The following PTPRO variants were observed in gnomAD, a reference collection of about 807,000 sequenced individuals.
The protein encoded by PTPRO is protein tyrosine phosphatase receptor type O.
PTPRO carries 62 observed loss-of-function variants against 145.2 expected under a neutral mutation model. The ratio of observed to expected loss-of-function variants is 0.43; its 90% CI spans 0.35 to 0.53. The LOEUF (loss-of-function observed/expected upper bound fraction) is 0.53. PTPRO is among the 20% of genes least tolerant of loss of function. The pLI, the probability that PTPRO is intolerant of heterozygous loss-of-function variation, is 0.01. For synonymous variants in PTPRO, 565 were observed against 514.7 expected, an observed-to-expected ratio of 1.10 and a Z score of -1.32; for missense variants, 1,345 against 1,482.7, an observed-to-expected ratio of 0.91 and a Z score of 1.53.
chr12:15,594,736 A>G (rs1245895044), intron 25 of PTPRO, among the ~76,000 whole-genome samples: 1 of 152,100 alleles, frequency 6.6e-6, no homozygotes, highest in Admixed American at 6.6e-5. Context: ...TAAAAAAGCC[A>G]TGATGTTCTA....
rs754731694 is a variant in PTPRO at position 15,484,047 on chromosome 12, T to G, written c.149T>G (p.Ile50Ser). 1.9e-6 allele frequency: 3 copies of G among 1,613,610 alleles called. No individual in the cohort carries two copies. In the African/African-American group the frequency reaches 4.0e-5, roughly 22 times the overall value. Residue 50 changes from isoleucine (I) to serine (S), a missense_variant, in exon 2 of 27, where the codon ATC becomes AGC. By Grantham distance (142) the Ile-to-Ser change is moderately radical (BLOSUM62 -2). Coordinates refer to ENST00000281171, the MANE Select transcript of PTPRO (RefSeq NM_030667.3). ...GTCTCATTAGAAGCTTCAGACGTCATCAGTCCAGCATCTGTGTATGTTGTG... is the reference window on the plus strand; with the variant it reads ...GTCTCATTAGAAGCTTCAGACGTCAGCAGTCCAGCATCTGTGTATGTTGTG... ...IVVSLEASDV[I>S]SPASVYVVKI...
intron 1 of PTPRO, among the ~76,000 whole-genome samples, chr12:15,423,288 A>C (rs1195439183): frequency 1.3e-5 from 2 of 152,142 alleles, no homozygotes; most frequent in Non-Finnish European, 2.9e-5. Flanking sequence ...GGTTTCTTGG[A>C]GTTTTTACAA....
rs546676759 is a variant in PTPRO at position 15,392,453 on chromosome 12, G to C, written c.75+69652G>C. On this transcript the variant is annotated intron_variant, in intron 1 of 26. Coordinates refer to ENST00000281171, the MANE Select transcript of PTPRO (RefSeq NM_030667.3). ...AGGGGAGCCCAGGCCAGGCATGGTG[G>C]CTCATCCCTATAATCCCAGCACTTT... Among the ~76,000 whole-genome samples the C allele has an allele frequency of 4.0e-5, 6 of 151,092 alleles. 1 individual carries two copies. The South Asian group carries it at 1.3e-3, about 32-fold the overall frequency.
chr12:15,589,358 A>T (rs1944495765), intron 24 of PTPRO, 97 bp from the exon 25 acceptor site: 5 of 1,546,908 alleles, frequency 3.2e-6, no homozygotes, highest in Non-Finnish European at 3.5e-6. Context: ...CCTGGGCAAC[A>T]GAGCAAGACT....
At position 15,322,786 on chromosome 12, in the gene PTPRO, C is replaced by G. The variant is rs756776270; in HGVS notation, c.60C>G (p.Leu20=). Residue 20 remains leucine, a synonymous_variant, in exon 1 of 27, where the codon CTC becomes CTG. Transcript: ENST00000281171. This position sits in a 1 kb window ranked among gnomAD's most constrained non-coding sequence, Gnocchi z 6.3. ...GARRLLPLLW[L]FVLFKNATAF... ...GCCGCCTCCTGCCTCTGCTCTGGCT[C>G]TTTGTGCTGTTCAAGGTAGGGGAGC... 4.4e-5 allele frequency: 71 copies of G among 1,612,708 alleles called. No individual in the cohort carries two copies. The highest frequency in any genetic ancestry group is 5.4e-5 in the Non-Finnish European group (64 of 1,179,572).
chr12:15,495,703 A>G (rs554585277), intron 2 of PTPRO, among the ~76,000 whole-genome samples: 41 of 152,284 alleles, frequency 2.7e-4, no homozygotes, highest in Middle Eastern at 3.4e-3. Flanking sequence ...TGAAATTGGG[A>G]TCTCATTTCT....
At chr12:15,336,292 T>C (rs1866760277) in intron 1 of PTPRO, among the ~76,000 whole-genome samples, 1 of 152,040 alleles carries the variant, frequency 6.6e-6, no homozygotes, top group Non-Finnish European at 1.5e-5. Context: ...AAAGGTATTG[T>C]GATAATTTTT....
intron 12 of PTPRO, among the ~76,000 whole-genome samples, chr12:15,532,317 A>C (rs945093868): frequency 2.0e-5 from 3 of 152,058 alleles, no homozygotes; most frequent in Non-Finnish European, 2.9e-5. Flanking sequence ...CTTTCTTCTA[A>C]ATTATTTTAC....
chr12:15,522,347 T>C (rs1942741145), intron 10 of PTPRO, among the ~76,000 whole-genome samples: 1 of 151,952 alleles, frequency 6.6e-6, no homozygotes, highest in Non-Finnish European at 1.5e-5. Context: ...TTGCTGCACC[T>C]ATCAACCTGT....
chr12:15,497,530 A>G, intron 3 of PTPRO, 127 bp downstream of exon 3: 1 of 1,014,098 alleles, frequency 9.9e-7, no homozygotes, highest in Non-Finnish European at 1.5e-6. Flanking sequence ...ATGAGCCATT[A>G]AAAATAATTA....
intron 1 of PTPRO, among the ~76,000 whole-genome samples, chr12:15,367,649 C>G (rs1938402710): frequency 1.3e-5 from 2 of 152,188 alleles, no homozygotes; most frequent in Admixed American, 1.3e-4. Context: ...AACTGGGCTT[C>G]TCAAATTCTC....
intron 1 of PTPRO, among the ~76,000 whole-genome samples, chr12:15,458,749 A>G (rs997438025): frequency 6.6e-5 from 10 of 151,574 alleles, no homozygotes; most frequent in Admixed American, 2.6e-4. Context: ...TTGTTCATGC[A>G]TGTTCTATTG....
intron 1 of PTPRO, among the ~76,000 whole-genome samples, chr12:15,431,076 G>A (rs1445654845): frequency 6.6e-6 from 1 of 152,180 alleles, no homozygotes; most frequent in Non-Finnish European, 1.5e-5. Context: ...GGGACAGAAT[G>A]GTTACCATTT....
intron 1 of PTPRO, chr12:15,439,945 T>C (rs1382604771): frequency 4.4e-6 from 3 of 682,598 alleles, no homozygotes; most frequent in Non-Finnish European, 8.0e-6. Context: ...GTCTGGGTGT[T>C]AAGTGCTCCA....
intron 16 of PTPRO, 26 bp from the exon 17 acceptor site, chr12:15,560,167 C>T (rs1943734829): frequency 1.3e-6 from 2 of 1,510,552 alleles, no homozygotes; most frequent in African/African-American, 1.4e-5. Flanking sequence ...TTCATCTTTC[C>T]ATCTGTTGTC....
At chr12:15,509,621 C>CGGG (rs1942395439) in intron 7 of PTPRO, among the ~76,000 whole-genome samples, 1 of 114,984 alleles carries the variant, frequency 8.7e-6, no homozygotes. Context: ...CACTTGAACC[C>CGGG]GGGAGGTGGG....
chr12:15,381,460 G>A (rs900994093), intron 1 of PTPRO, among the ~76,000 whole-genome samples: 9 of 152,054 alleles, frequency 5.9e-5, no homozygotes, highest in Admixed American at 5.2e-4. Flanking sequence ...TGAATGTGCC[G>A]TGTTTTTTCA....
chr12:15,497,516 A>T, intron 3 of PTPRO, 113 bp downstream of exon 3: 2 of 1,128,170 alleles, frequency 1.8e-6, no homozygotes, highest in Non-Finnish European at 2.6e-6. Context: ...TATTTGACCT[A>T]TAAATGAGCC....
At chr12:15,348,695 G>T (rs754779893) in intron 1 of PTPRO, 1 of 152,046 alleles carries the variant, frequency 6.6e-6, no homozygotes, top group Non-Finnish European at 1.5e-5. Context: ...GCTGACGCAG[G>T]AGAATGACGT....
Sources: allele counts gnomAD v4.1 joint callset (sites outside exome capture counted in the v4.1 genomes callset), GRCh38; gene constraint gnomAD v4.1.1; non-coding constraint Gnocchi (gnomAD v3.1); transcripts MANE v1.5; gene names NCBI Gene and HGNC (gene_info 2026-07-23, HGNC 2026-07-21).